Variants in ROR2 observed in about 807,000 individuals in gnomAD.
ROR2 encodes the protein ROR family WNT receptor 2.
ROR2 carries 33 observed loss-of-function variants against 74.9 expected under a neutral mutation model. The observed-to-expected ratio is 0.44, with a 90% CI of 0.33 to 0.59. The LOEUF (loss-of-function observed/expected upper bound fraction) is 0.59. ROR2 is among the 20% of genes least tolerant of loss of function. The pLI is 0.02. For synonymous variants in ROR2, 586 were observed against 558.7 expected (o/e 1.05, Z -0.69); for missense variants, 1,216 against 1,313.8 (o/e 0.93, Z 1.15).
chr9:91,858,870 C>T (rs138096746), intron 1 of ROR2, among the ~76,000 whole-genome samples: 86 of 152,246 alleles, frequency 5.6e-4, no homozygotes, highest in African/African-American at 2.0e-3. Flanking sequence ...TTAAGCAGCT[C>T]GCCCAAGATC....
At chr9:91,820,004 C>T (rs1308051559) in intron 1 of ROR2, among the ~76,000 whole-genome samples, 3 of 152,098 alleles carry the variant, frequency 2.0e-5, no homozygotes, top group African/African-American at 4.8e-5. Context: ...CCGTGTGTGT[C>T]TGTGTGTGCA....
chr9:91,941,111 C>T (rs746953804), intron 1 of ROR2, among the ~76,000 whole-genome samples: 1 of 151,518 alleles, frequency 6.6e-6, no homozygotes. Flanking sequence ...CATTCTCCTG[C>T]CTCAGCCTCC....
At position 91,830,809 on chromosome 9, in the gene ROR2, CGTGTGTGTGTGT is replaced by C. The variant is rs34963566; in HGVS notation, c.98-55003_98-54992del. On this transcript the variant is annotated intron_variant, in intron 1 of 8. Transcript: ENST00000375708. ...TTTACCAAAACTAAATAACTGTGTCCGTGTGTGTGTGTGTGTGTGTGTGTGTGTGTGTGTGTG... is the reference window on the plus strand; with the variant it reads ...TTTACCAAAACTAAATAACTGTGTCCGTGTGTGTGTGTGTGTGTGTGTGTG... Among the ~76,000 whole-genome samples, 231 of 139,678 alleles carry C rather than the reference CGTGTGTGTGTGT, an allele frequency of 1.7e-3. 1 individual carries two copies. Among genetic ancestry groups the C allele is most frequent in the African/African-American group, 5.0e-3 (184 of 36,582 alleles). The allele number at this position is 139,678 out of a possible 152,430, so 91.6% of individuals were successfully genotyped here.
intron 1 of ROR2, among the ~76,000 whole-genome samples, chr9:91,916,798 T>C (rs1831147622): frequency 6.6e-6 from 1 of 152,160 alleles, no homozygotes; most frequent in Admixed American, 6.6e-5. Context: ...ACAAAAATAC[T>C]TAACTACCAT....
chr9:91,757,128 G>A, intron 3 of ROR2, 144 bp downstream of exon 3: 1 of 1,058,752 alleles, frequency 9.4e-7, no homozygotes, highest in Non-Finnish European at 1.4e-6. Flanking sequence ...TGGGGCACAT[G>A]GGGAAGGCCC....
Position 91,757,552 on chromosome 9 carries a change from A to C in ROR2, c.183T>G (p.Phe61Leu). 2 of 1,613,558 alleles carry C rather than the reference A, an allele frequency of 1.2e-6. No individual in the cohort carries two copies. The highest frequency in any genetic ancestry group is 4.5e-5 in the East Asian group (2 of 44,840). The change falls in exon 3 of 9, where the codon TTT (phenylalanine) becomes TTG (leucine). Residue 61 changes from phenylalanine (F) to leucine (L), a missense_variant. Coordinates refer to ENST00000375708, the MANE Select transcript of ROR2 (RefSeq NM_004560.4). ...DGPIPTLKGY[F>L]LNFLEPVNNI... ...TGTTTACTGGCTCCAGAAAATTCAG[A>C]AAGTAACCTGCCAAGGAGAGCGGTC...
chr9:91,876,947 A>C (rs963394105), intron 1 of ROR2, among the ~76,000 whole-genome samples: 1 of 152,186 alleles, frequency 6.6e-6, no homozygotes, highest in Admixed American at 6.5e-5. Context: ...GCCAAGCCAC[A>C]ACTGAGAACG....
At chr9:91,847,573 C>G (rs967430482) in intron 1 of ROR2, among the ~76,000 whole-genome samples, 1 of 151,740 alleles carries the variant, frequency 6.6e-6, no homozygotes, top group South Asian at 2.1e-4. Flanking sequence ...AGCAACAGTT[C>G]CAGTCTTTCA....
At chr9:91,784,830 T>C (rs1826740608) in intron 1 of ROR2, among the ~76,000 whole-genome samples, 1 of 152,214 alleles carries the variant, frequency 6.6e-6, no homozygotes, top group Non-Finnish European at 1.5e-5. Context: ...GCTTTTCTGT[T>C]TAACTTTTCC....
chr9:91,916,204 G>C (rs182079900), intron 1 of ROR2, among the ~76,000 whole-genome samples: 67 of 152,266 alleles, frequency 4.4e-4, no homozygotes, highest in African/African-American at 1.6e-3. Flanking sequence ...TGTTTCCCCC[G>C]CAACTAATCT....
At chr9:91,729,557 G>A (rs1050189929) in intron 7 of ROR2, among the ~76,000 whole-genome samples, 41 of 152,284 alleles carry the variant, frequency 2.7e-4, no homozygotes, top group African/African-American at 8.9e-4. Context: ...GTAGAGACAC[G>A]CGGGCCTGCA....
At chr9:91,799,694 T>C (rs775262354) in intron 1 of ROR2, among the ~76,000 whole-genome samples, 25 of 152,230 alleles carry the variant, frequency 1.6e-4, no homozygotes, top group Non-Finnish European at 2.9e-4. Context: ...CTTACTGAAC[T>C]GTGTCTCACA....
chr9:91,929,531 C>G (rs1587854779), intron 1 of ROR2, among the ~76,000 whole-genome samples: 1 of 152,180 alleles, frequency 6.6e-6, no homozygotes. Flanking sequence ...ACCTCCAGAA[C>G]AAGTCATGTT....
At chr9:91,742,573 G>C (rs780754854) in intron 4 of ROR2, among the ~76,000 whole-genome samples, 2 of 152,190 alleles carry the variant, frequency 1.3e-5, no homozygotes, top group African/African-American at 2.4e-5. Flanking sequence ...ACCACATAAC[G>C]ATGTTTTTGG....
chr9:91,824,738 C>T (rs1169427697), intron 1 of ROR2, among the ~76,000 whole-genome samples: 1 of 152,250 alleles, frequency 6.6e-6, no homozygotes, highest in East Asian at 1.9e-4. Context: ...AACAGGGCAT[C>T]GGGGTGGGAC....
intron 1 of ROR2, among the ~76,000 whole-genome samples, chr9:91,909,914 G>C (rs781227751): frequency 8.3e-5 from 10 of 120,288 alleles, no homozygotes; most frequent in Non-Finnish European, 1.3e-4. Context: ...CCAGGCTGAA[G>C]TGCAGTGGCG....
chr9:91,824,931 A>G (rs987857781), intron 1 of ROR2, among the ~76,000 whole-genome samples: 5 of 152,198 alleles, frequency 3.3e-5, no homozygotes, highest in African/African-American at 1.2e-4. Context: ...CGCTGCCCAC[A>G]GGGCACCCCC....
At chr9:91,816,303 TCTC>T (rs1262142126) in intron 1 of ROR2, among the ~76,000 whole-genome samples, 1 of 151,948 alleles carries the variant, frequency 6.6e-6, no homozygotes, top group Non-Finnish European at 1.5e-5. Context: ...TCAGATCACA[TCTC>T]CTCCTTGCTG....
chr9:91,755,836 A>G (rs1587688735), intron 4 of ROR2: 1 of 607,226 alleles, frequency 1.6e-6, no homozygotes, highest in Non-Finnish European at 2.9e-6. Context: ...TAAGGTCACA[A>G]TCACAGAAAG....
Sources: allele counts gnomAD v4.1 joint callset (sites outside exome capture counted in the v4.1 genomes callset), GRCh38; gene constraint gnomAD v4.1.1; transcripts MANE v1.5; gene names NCBI Gene and HGNC (gene_info 2026-07-23, HGNC 2026-07-21).